The following DMAC2 variants were observed in gnomAD, a reference collection of about 807,000 sequenced individuals.
DMAC2 encodes the protein distal membrane-arm assembly complex protein 2.
A neutral mutation model predicts 29.6 loss-of-function variants in DMAC2; 32 were observed. The ratio of observed to expected loss-of-function variants is 1.08; its 90% CI spans 0.81 to 1.45. The LOEUF (loss-of-function observed/expected upper bound fraction) is 1.45. Among genes scored for constraint, DMAC2 ranks in the 40% most tolerant of loss-of-function variants. DMAC2 has a pLI of 0.00. For missense variants in DMAC2, 319 were observed against 340.0 expected, an observed-to-expected ratio of 0.94 and a Z score of 0.49; for synonymous variants, 133 against 137.4, an observed-to-expected ratio of 0.97 and a Z score of 0.23.
rs2231937 is a variant in DMAC2, at chr19:41,438,474, A to T, written c.19-60T>A. ...AGCCTCCTGGGAGACACAGAGCTGGATCCCCCAGTTCTTGCTCCATGAACC... is the reference window on the plus strand; with the variant it reads ...AGCCTCCTGGGAGACACAGAGCTGGTTCCCCCAGTTCTTGCTCCATGAACC... On this transcript the variant is annotated intron_variant, in intron 1 of 5. Transcript: ENST00000221943. 1.1e-4 allele frequency: 158 copies of T among 1,405,544 alleles called. No individual in the cohort carries two copies. In the East Asian group the frequency reaches 3.8e-3, roughly 34 times the overall value. 87.1% of individuals were successfully genotyped at this position (1,405,544 alleles called of 1,614,324 possible).
intron 5 of DMAC2, 56 bp from the exon 6 acceptor site, chr19:41,432,464 G>A: frequency 2.6e-6 from 4 of 1,531,064 alleles, no homozygotes; most frequent in South Asian, 2.3e-5. Context: ...GTGTGTGTGT[G>A]TAGGGAGGTA....
chr19:41,433,271 CTGGAGGTGG>C lies in DMAC2; in HGVS notation c.588_596del (p.His196_Leu198del). 1 of 1,606,846 alleles carries C rather than the reference CTGGAGGTGG, an allele frequency of 6.2e-7. No homozygotes were observed. The highest frequency in any genetic ancestry group is 8.5e-7 in the Non-Finnish European group (1 of 1,178,446). ...TGGCCCAGCCTGAGCTGAGGTCTCA[CTGGAGGTGG>C]TGGAGGCAGGCGAGGCCCCGTTCGG... On this transcript the variant is annotated inframe_deletion and splice_region_variant, in exon 5 of 6. Transcript: ENST00000221943.
chr19:41,437,947 G>A (rs2039958153), intron 2 of DMAC2, among the ~76,000 whole-genome samples: 1 of 152,242 alleles, frequency 6.6e-6, no homozygotes, highest in Non-Finnish European at 1.5e-5. Context: ...GGAAGGCTTG[G>A]GAGTGAGCAG....
Position 41,431,352 on chromosome 19 carries a change from ACTG to A in DMAC2, c.*876_*878del, listed in dbSNP as rs782692173. ...CAGGGAAAGTTTAATATAGAGAATT[ACTG>A]GCTTTAACAGTGAACTGGAATAATG... On this transcript the variant is annotated 3_prime_UTR_variant, in exon 6 of 6. Transcript: ENST00000221943. The A allele has an allele frequency of 7.8e-6, 4 of 515,044 alleles. No individual in the cohort carries two copies. The Admixed American group carries it at 7.8e-5, about 10-fold the overall frequency. 31.9% of individuals were successfully genotyped at this position (515,044 alleles called of 1,614,324 possible).
chr19:41,439,861 C>T (rs1306472327), intron 1 of DMAC2, 21 bp downstream of exon 1: 1 of 1,614,052 alleles, frequency 6.2e-7, no homozygotes, highest in Non-Finnish European at 8.5e-7. Flanking sequence ...ATTTGGGGCT[C>T]TAGGAACTCC....
chr19:41,432,002 G>A lies in DMAC2; in HGVS notation c.*229C>T, dbSNP rs1555768955. The A allele has an allele frequency of 1.7e-6, 1 of 590,588 alleles. No homozygotes were observed. The highest frequency in any genetic ancestry group is 3.0e-6 in the Non-Finnish European group (1 of 332,742). The allele number at this position is 590,588 out of a possible 1,614,324, so 36.6% of individuals were successfully genotyped here. A position where few individuals can be genotyped will look rare whatever the true frequency, so the allele number is the denominator to read the frequency against. Reference sequence around the variant, plus strand: ...CCTGAGCCTTTACCTCCCCAGGCCTGAACAGGGGCATGGAAAGGGCTGCCT... The same window carrying A: ...CCTGAGCCTTTACCTCCCCAGGCCTAAACAGGGGCATGGAAAGGGCTGCCT... On this transcript the variant is annotated 3_prime_UTR_variant, in exon 6 of 6. Transcript: ENST00000221943.
At position 41,432,146 on chromosome 19, in the gene DMAC2, C is replaced by T. The variant is rs972948319; in HGVS notation, c.*85G>A. The stretch of plus-strand genomic sequence containing the variant: ...CCCCCACCCTGACGTTGAGTGAAGA[C>T]AAATGGAAGCCAGAAGTGTGGTGAG... On this transcript the variant is annotated 3_prime_UTR_variant, in exon 6 of 6. Coordinates refer to ENST00000221943, the MANE Select transcript of DMAC2 (RefSeq NM_018035.3). 7.7e-5 allele frequency: 115 copies of T among 1,487,088 alleles called. No homozygotes were observed. The highest frequency in any genetic ancestry group is 9.7e-5 in the Non-Finnish European group (106 of 1,089,838). The allele number at this position is 1,487,088 out of a possible 1,614,324, so 92.1% of individuals were successfully genotyped here.
intron 1 of DMAC2, 177 bp downstream of exon 1, chr19:41,439,705 C>T (rs782236260): frequency 4.9e-5 from 64 of 1,313,316 alleles, no homozygotes; most frequent in Admixed American, 8.2e-5. Context: ...GCCTGCGACC[C>T]TCACAGATCC....
At chr19:41,436,043 GT>G (rs1855452314) in intron 3 of DMAC2, among the ~76,000 whole-genome samples, 1 of 151,942 alleles carries the variant, frequency 6.6e-6, no homozygotes, top group East Asian at 1.9e-4. Flanking sequence ...GCCCAGCTAA[GT>G]TTTGTATTTT....
At position 41,433,588 on chromosome 19, in the gene DMAC2, C is replaced by G; in HGVS notation, c.382G>C (p.Ala128Pro). The part of the protein sequence containing the change: ...FWNFCEVPVE[A>P]VDAGDCDINY... Reference sequence around the variant, plus strand: ...ATGTCACAGTCACCGGCATCCACAGCTTCGACAGGCACTTCACAGAAATTC... The same window carrying G: ...ATGTCACAGTCACCGGCATCCACAGGTTCGACAGGCACTTCACAGAAATTC... Residue 128 changes from alanine to proline, a missense_variant, in exon 4 of 6, where the codon GCT (alanine) becomes CCT (proline). Ala to Pro is a conservative substitution (Grantham distance 27). Transcript: ENST00000221943. The G allele has an allele frequency of 6.2e-7, 1 of 1,614,212 alleles. No homozygotes were observed. The highest frequency in any genetic ancestry group is 1.1e-5 in the South Asian group (1 of 91,090).
Position 41,431,634 on chromosome 19 carries a change from A to C in DMAC2, c.*597T>G, listed in dbSNP as rs2039515436. 1 of 286,354 alleles carries C rather than the reference A, an allele frequency of 3.5e-6. No individual in the cohort carries two copies. The highest frequency in any genetic ancestry group is 2.2e-5 in the African/African-American group (1 of 45,284). The allele number at this position is 286,354 out of a possible 1,614,324, so 17.7% of individuals were successfully genotyped here. A position where few individuals can be genotyped will look rare whatever the true frequency, so the allele number is the denominator to read the frequency against. On this transcript the variant is annotated 3_prime_UTR_variant, in exon 6 of 6. Transcript: ENST00000221943. ...CCACGAAGGAGGCGCCTTTCCTCCTATAATGCCTGTTTGGTGCCCTCTACT... is the reference window on the plus strand; with the variant it reads ...CCACGAAGGAGGCGCCTTTCCTCCTCTAATGCCTGTTTGGTGCCCTCTACT...
intron 1 of DMAC2, chr19:41,439,662 C>G (rs2040051829): frequency 3.0e-6 from 4 of 1,345,960 alleles, no homozygotes; most frequent in Middle Eastern, 1.9e-4. Context: ...AGCCAAGTCC[C>G]TGCCTCCTCT....
At chr19:41,439,189 C>T (rs2122300437) in intron 1 of DMAC2, 2 of 373,120 alleles carry the variant, frequency 5.4e-6, no homozygotes, top group Non-Finnish European at 9.7e-6. Context: ...CTTAATCTAC[C>T]CCAATTTCTC....
At chr19:41,436,354 ACCTG>A in intron 3 of DMAC2, 34 bp downstream of exon 3, 1 of 1,582,294 alleles carries the variant, frequency 6.3e-7, no homozygotes, top group Non-Finnish European at 8.7e-7. Context: ...ATACCCCACC[ACCTG>A]CCCCAGCCCG....
At position 41,435,566 on chromosome 19, in the gene DMAC2, G is replaced by A. The variant is rs782138282; in HGVS notation, c.296+826C>T. ...ATTACAGGTGTGAGCCACCGCGCCC[G>A]GCCTATTATTATTTTTTGTGATGAG... On this transcript the variant is annotated intron_variant, in intron 3 of 5. Transcript: ENST00000221943. 3.9e-4 allele frequency among the ~76,000 whole-genome samples: 59 copies of A among 151,712 alleles called. 1 individual carries two copies. The highest frequency in any genetic ancestry group is 4.4e-5 in the Non-Finnish European group (3 of 67,942).
intron 1 of DMAC2, chr19:41,439,673 C>A (rs1374779150): frequency 1.1e-5 from 15 of 1,335,118 alleles, no homozygotes; most frequent in East Asian, 2.5e-5. Flanking sequence ...TGCCTCCTCT[C>A]GCTCGCTAAA....
intron 3 of DMAC2, 54 bp downstream of exon 3, chr19:41,436,338 A>C: frequency 6.7e-7 from 1 of 1,495,596 alleles, no homozygotes; most frequent in Non-Finnish European, 9.3e-7. Context: ...CCTGGATGTT[A>C]GAGAGATACC....
At position 41,431,848 on chromosome 19, in the gene DMAC2, C is replaced by CT. The variant is rs1872296925; in HGVS notation, c.*382dup. ...GGCCCTGCACGGGGGAGAACCATCC[C>CT]TGTAAAGTGTCAGTAGTAGCCCCTG... On this transcript the variant is annotated 3_prime_UTR_variant, in exon 6 of 6. Transcript: ENST00000221943. The CT allele has an allele frequency of 1.1e-5, 3 of 272,230 alleles. No individual in the cohort carries two copies. In the Admixed American group the frequency reaches 1.5e-4, roughly 13 times the overall value. The allele number at this position is 272,230 out of a possible 1,614,324, so 16.9% of individuals were successfully genotyped here.
At chr19:41,433,773 AC>A in intron 3 of DMAC2, 100 bp from the exon 4 acceptor site, 1 of 1,453,714 alleles carries the variant, frequency 6.9e-7, no homozygotes, top group Non-Finnish European at 9.4e-7. Context: ...TGTATAGGTC[AC>A]CCTTGACATA....
Sources: gnomAD v4.1 joint callset for allele counts (sites outside exome capture counted in the v4.1 genomes callset) on GRCh38, gnomAD v4.1.1 for gene constraint, MANE v1.5 for transcripts, NCBI Gene and HGNC (gene_info 2026-07-23, HGNC 2026-07-21) for gene names.